Variants in AGBL4 observed in about 807,000 individuals in gnomAD.
AGBL4 encodes cytosolic carboxypeptidase 6.
AGBL4 carries 58 observed loss-of-function variants against 66.4 expected under a neutral mutation model. That is an observed-to-expected ratio of 0.87 (90% CI 0.71 to 1.09). The LOEUF is 1.09. Among genes scored for constraint, AGBL4 ranks in the 50% least tolerant of loss-of-function variants. The pLI is 0.00. For missense variants in AGBL4, 579 were observed against 631.0 expected (o/e 0.92, Z 0.88); for synonymous variants, 234 against 222.9 (o/e 1.05, Z -0.44).
chr1:49,243,481 AAAGGAAGT>A (rs1651399573), intron 4 of AGBL4, among the ~76,000 whole-genome samples: 1 of 151,844 alleles, frequency 6.6e-6, no homozygotes, highest in African/African-American at 2.4e-5. Context: ...TCAAAGCATA[AAAGGAAGT>A]CCTAGACATA....
intron 1 of AGBL4, among the ~76,000 whole-genome samples, chr1:49,875,670 C>A (rs1646980592): frequency 1.4e-5 from 2 of 144,980 alleles, no homozygotes; most frequent in African/African-American, 2.6e-5. Flanking sequence ...GGGTATATAC[C>A]CAGTAATGGG....
At chr1:49,094,435 T>C (rs1645055197) in intron 4 of AGBL4, among the ~76,000 whole-genome samples, 2 of 152,242 alleles carry the variant, frequency 1.3e-5, no homozygotes, top group South Asian at 4.1e-4. Flanking sequence ...TCTGCATCTA[T>C]TGAGGTAATC....
intron 4 of AGBL4, among the ~76,000 whole-genome samples, chr1:49,119,084 C>A (rs1295477369): frequency 6.6e-6 from 1 of 152,046 alleles, no homozygotes; most frequent in African/African-American, 2.4e-5. Context: ...TGATTCTTCT[C>A]TCTTTTCTTC....
intron 3 of AGBL4, among the ~76,000 whole-genome samples, chr1:49,375,404 A>G (rs1557881100): frequency 6.6e-6 from 1 of 151,540 alleles, no homozygotes; most frequent in Admixed American, 6.6e-5. Flanking sequence ...AGAAGTGATG[A>G]TTTTTTTTTC....
At chr1:50,017,581 A>G (rs1026877586) in intron 1 of AGBL4, 2 of 152,204 alleles carry the variant, frequency 1.3e-5, no homozygotes, top group African/African-American at 4.8e-5. Context: ...TGTCCTTTGC[A>G]GCAACATAGG....
At chr1:49,918,436 C>A (rs1651816928) in intron 1 of AGBL4, among the ~76,000 whole-genome samples, 1 of 152,118 alleles carries the variant, frequency 6.6e-6, no homozygotes. Context: ...TACAAACTAC[C>A]ATCAGAGAAT....
At chr1:49,859,983 T>C (rs12134256) in intron 1 of AGBL4, among the ~76,000 whole-genome samples, 1,863 of 152,324 alleles carry the variant, frequency 0.012, 28 homozygotes, top group Non-Finnish European at 0.015. Flanking sequence ...CAGTAATATT[T>C]GTAACACCAA....
At chr1:48,909,359 C>A (rs138785880) in intron 5 of AGBL4, among the ~76,000 whole-genome samples, 1 of 152,290 alleles carries the variant, frequency 6.6e-6, no homozygotes, top group African/African-American at 2.4e-5. Flanking sequence ...GGATTAAAGG[C>A]AAACTCTCCT....
intron 2 of AGBL4, among the ~76,000 whole-genome samples, chr1:49,828,790 G>T (rs1344518518): frequency 1.3e-5 from 2 of 152,076 alleles, no homozygotes; most frequent in African/African-American, 2.4e-5. Flanking sequence ...GAAGCAAGAG[G>T]CCAGCCGCGG....
chr1:49,584,885 G>C (rs945461403), intron 3 of AGBL4, among the ~76,000 whole-genome samples: 1 of 152,112 alleles, frequency 6.6e-6, no homozygotes. Context: ...GTCCTCCAAA[G>C]TTAAGAAACA....
chr1:49,725,683 T>G (rs929171738), intron 2 of AGBL4, among the ~76,000 whole-genome samples: 6 of 101,624 alleles, frequency 5.9e-5, no homozygotes, highest in East Asian at 1.0e-3. Flanking sequence ...CCTTTGTGGG[T>G]TTTTTTTTTT....
chr1:48,772,310 T>C (rs929596432), intron 6 of AGBL4, among the ~76,000 whole-genome samples: 3 of 152,206 alleles, frequency 2.0e-5, no homozygotes, highest in Admixed American at 1.3e-4. Flanking sequence ...GGACTACCAC[T>C]GAAGCAAGGT....
At chr1:48,970,264 T>A (rs1006585754) in intron 5 of AGBL4, among the ~76,000 whole-genome samples, 1 of 152,174 alleles carries the variant, frequency 6.6e-6, no homozygotes, top group African/African-American at 2.4e-5. Flanking sequence ...CCGAGTTGAT[T>A]CAGGACATAG....
intron 1 of AGBL4, among the ~76,000 whole-genome samples, chr1:50,010,164 G>A (rs533173053): frequency 5.3e-5 from 8 of 151,998 alleles, no homozygotes; most frequent in African/African-American, 1.4e-4. Flanking sequence ...AAAATTAGCC[G>A]GATGTGGTGG....
At chr1:49,746,252 G>T (rs1198662317) in intron 2 of AGBL4, among the ~76,000 whole-genome samples, 1 of 151,800 alleles carries the variant, frequency 6.6e-6, no homozygotes, top group Non-Finnish European at 1.5e-5. Flanking sequence ...CTACACATTG[G>T]CATGAATTAC....
intron 3 of AGBL4, among the ~76,000 whole-genome samples, chr1:49,435,932 C>T (rs1416906417): frequency 6.6e-6 from 1 of 152,120 alleles, no homozygotes; most frequent in Non-Finnish European, 1.5e-5. Flanking sequence ...TTCTATTATG[C>T]TCTTCTACAT....
intron 4 of AGBL4, among the ~76,000 whole-genome samples, chr1:49,104,246 A>G (rs968399002): frequency 1.3e-5 from 2 of 152,156 alleles, no homozygotes; most frequent in African/African-American, 2.4e-5. Flanking sequence ...GTGTCTCCAT[A>G]TCACCCTGTA....
chr1:49,854,533 C>T lies in AGBL4; in HGVS notation c.35-3015G>A, dbSNP rs113951281. On this transcript the variant is annotated intron_variant, in intron 1 of 13. Transcript: ENST00000371839. ...AAACTCACACTCTGTTCTACTCACC[C>T]CCCTGAAGCCTAAGCAGGTGCAACA... Among the ~76,000 whole-genome samples the T allele has an allele frequency of 2.0e-3, 298 of 152,216 alleles. 4 individuals carry two copies. The highest frequency in any genetic ancestry group is 6.7e-3 in the African/African-American group (279 of 41,520).
chr1:48,785,116 C>T (rs1386138643), intron 6 of AGBL4, among the ~76,000 whole-genome samples: 2 of 152,190 alleles, frequency 1.3e-5, no homozygotes, highest in African/African-American at 4.8e-5. Context: ...TCACTCCTTC[C>T]ATCCCCCTCC....
Sources: allele counts gnomAD v4.1 joint callset (sites outside exome capture counted in the v4.1 genomes callset), GRCh38; gene constraint gnomAD v4.1.1; transcripts MANE v1.5; gene names NCBI Gene and HGNC (gene_info 2026-07-23, HGNC 2026-07-21).